GNL3L: variants seen among roughly 807,000 people sequenced by gnomAD.
GNL3L encodes guanine nucleotide-binding protein-like 3-like protein.
GNL3L carries 4 observed loss-of-function variants against 42.9 expected under a neutral mutation model. The observed-to-expected ratio is 0.09, with a 90% CI of 0.05 to 0.21. The LOEUF (loss-of-function observed/expected upper bound fraction) is 0.21. Among genes scored for constraint, GNL3L ranks in the 10% least tolerant of loss-of-function variants. The probability of loss-of-function intolerance (pLI) is 1.00; values close to 1 mark genes in which losing one functional copy is unlikely to be tolerated. For synonymous variants in GNL3L, 159 were observed against 176.3 expected, an observed-to-expected ratio of 0.90 and a Z score of 0.78; for missense variants, 412 against 481.7, an observed-to-expected ratio of 0.86 and a Z score of 1.36.
chrX:54,645,577 C>T, the GNL3L span, among the ~76,000 whole-genome samples: 1 of 111,943 alleles, frequency 8.9e-6, no homozygotes, highest in Non-Finnish European at 1.9e-5. Flanking sequence ...TGCTGAATTC[C>T]ATTTGTTAAT....
chrX:54,561,375 A>G lies in GNL3L; in HGVS notation c.*773A>G, dbSNP rs1305418559. Among the ~76,000 whole-genome samples, 2 of 112,420 alleles carry G rather than the reference A, an allele frequency of 1.8e-5. No homozygotes were observed. Among genetic ancestry groups the G allele is most frequent in the Non-Finnish European group, 3.8e-5 (2 of 53,297 alleles). On this transcript the variant is annotated 3_prime_UTR_variant, in exon 16 of 16. Coordinates refer to ENST00000360845, the MANE Select transcript of GNL3L (RefSeq NM_001184819.2). The stretch of plus-strand genomic sequence containing the variant: ...GCCTGCAGTGGGCTTTGGGCCATGC[A>G]TCTTCCAAGTCCATAGGTCTTCACC...
At chrX:54,571,526 G>T (rs1925543670), downstream of GNL3L, among the ~76,000 whole-genome samples, 1 of 97,490 alleles carries the variant, frequency 1.0e-5, no homozygotes, top group Admixed American at 1.1e-4. Context: ...TTTGAGACAG[G>T]GTCTTGCTAT....
In GNL3L at chrX:54,562,060, CTTTA is replaced by C. The variant is rs925807932; in HGVS notation, c.*1470_*1473del. On this transcript the variant is annotated 3_prime_UTR_variant, in exon 16 of 16. Coordinates refer to ENST00000360845, the MANE Select transcript of GNL3L (RefSeq NM_001184819.2). ...ACCATCCTTCGACCCACAGCTGCACCTTTATTTATTTATTTTGCTCTGTTGCCCA... is the reference window on the plus strand; with the variant it reads ...ACCATCCTTCGACCCACAGCTGCACCTTTATTTATTTTGCTCTGTTGCCCA... 8.9e-6 allele frequency among the ~76,000 whole-genome samples: 1 copy of C among 111,956 alleles called. No homozygotes were observed. The highest frequency in any genetic ancestry group is 3.2e-5 in the African/African-American group (1 of 30,820).
In GNL3L at chrX:54,544,464, G is replaced by A. The variant is rs1924715200; in HGVS notation, c.630+138G>A. 7.6e-6 allele frequency: 3 copies of A among 396,387 alleles called. No homozygotes were observed. In the African/African-American group the frequency reaches 8.1e-5, roughly 11 times the overall value. 32.7% of individuals were successfully genotyped at this position (396,387 alleles called of 1,213,427 possible). Reference sequence around the variant, plus strand: ...TCAACTTTGAGCTTTTTGCTCCACCGAGTGACTTTTTTTTTTTTTTTTGAG... The same window carrying A: ...TCAACTTTGAGCTTTTTGCTCCACCAAGTGACTTTTTTTTTTTTTTTTGAG... On this transcript the variant is annotated intron_variant, in intron 8 of 15. Coordinates refer to ENST00000360845, the MANE Select transcript of GNL3L (RefSeq NM_001184819.2).
chrX:54,557,272 AT>A (rs755619250), intron 14 of GNL3L, among the ~76,000 whole-genome samples: 1 of 106,690 alleles, frequency 9.4e-6, no homozygotes, highest in Non-Finnish European at 1.9e-5. Context: ...CAAAAAAAAA[AT>A]TTTTTTTTAA....
At chrX:54,536,395 A>G (rs997297049) in intron 2 of GNL3L, among the ~76,000 whole-genome samples, 2 of 110,566 alleles carry the variant, frequency 1.8e-5, no homozygotes, top group Non-Finnish European at 3.8e-5. Flanking sequence ...AAGTTTTAGT[A>G]GATTTCCGTA....
intron 16 of GNL3L, among the ~76,000 whole-genome samples, chrX:54,609,583 C>A (rs1048638647): frequency 8.9e-6 from 1 of 112,014 alleles, no homozygotes; most frequent in Non-Finnish European, 1.9e-5. Flanking sequence ...CCAATTATTC[C>A]AGCACGATTT....
At chrX:54,644,460 G>A in the GNL3L span, among the ~76,000 whole-genome samples, 300 of 111,844 alleles carry the variant, frequency 2.7e-3, 2 homozygotes, top group African/African-American at 9.2e-3. Context: ...TTTAGGACAG[G>A]GATCTAGCTT....
At chrX:54,643,039 A>G in the GNL3L span, among the ~76,000 whole-genome samples, 1 of 112,244 alleles carries the variant, frequency 8.9e-6, no homozygotes, top group Non-Finnish European at 1.9e-5. Flanking sequence ...ACAAGCATGT[A>G]TCTTTCTGCA....
At chrX:54,583,149 G>A (rs1925739253) in intron 16 of GNL3L, among the ~76,000 whole-genome samples, 1 of 111,138 alleles carries the variant, frequency 9.0e-6, no homozygotes. Context: ...TTCACAGAGC[G>A]AATGTTTTAA....
chrX:54,620,480 T>A (rs903014250), intron 16 of GNL3L, among the ~76,000 whole-genome samples: 3 of 112,224 alleles, frequency 2.7e-5, no homozygotes, highest in African/African-American at 9.7e-5. Context: ...TTCTTTTTTA[T>A]GGCCAAATAG....
chrX:54,607,017 T>TTTCCTTCTTTCC (rs1491564209), intron 16 of GNL3L, among the ~76,000 whole-genome samples: 1 of 52,850 alleles, frequency 1.9e-5, no homozygotes, highest in South Asian at 9.8e-4. Flanking sequence ...TCTTTCTTTC[T>TTTCCTTCTTTCC]TTCTTTCTTT....
downstream of GNL3L, among the ~76,000 whole-genome samples, chrX:54,624,283 T>G (rs1025899263): frequency 1.1e-5 from 1 of 89,966 alleles, no homozygotes; most frequent in African/African-American, 8.7e-5. Context: ...TAGAGATAGT[T>G]TTACATCTTT....
the GNL3L span, among the ~76,000 whole-genome samples, chrX:54,639,826 G>C: frequency 9.0e-6 from 1 of 111,329 alleles, no homozygotes; most frequent in African/African-American, 3.3e-5. Context: ...AGGCTTTCGG[G>C]GAGGGAGGAG....
intron 2 of GNL3L, among the ~76,000 whole-genome samples, chrX:54,536,304 T>TAATTTTTGTATTTTTAGTAGAGATGG (rs1924422210): frequency 9.1e-6 from 1 of 109,789 alleles, no homozygotes; most frequent in African/African-American, 3.3e-5. Flanking sequence ...CTTGAACTTC[T>TAATTTTTGTATTTTTAGTAGAGATGG]GACCTCAAGT....
downstream of GNL3L, among the ~76,000 whole-genome samples, chrX:54,625,073 A>G (rs1179287387): frequency 9.0e-6 from 1 of 110,861 alleles, no homozygotes; most frequent in Admixed American, 9.6e-5. Context: ...GGACCTCAAT[A>G]TATGCATTTT....
chrX:54,632,663 A>C, the GNL3L span, among the ~76,000 whole-genome samples: 3 of 110,728 alleles, frequency 2.7e-5, no homozygotes, highest in African/African-American at 9.8e-5. Context: ...TTTTCCTTCC[A>C]TATCCTGTAT....
rs1208335520 is a variant in GNL3L at position 54,543,358 on chromosome X, G to T, written c.526+16G>T. The T allele has an allele frequency of 8.3e-7, 1 of 1,208,019 alleles. No homozygotes were observed. Among genetic ancestry groups the T allele is most frequent in the Admixed American group, 2.2e-5 (1 of 45,906 alleles). ...AACAAGATTGGTGGGTGTTAGGCAG[G>T]ATTGGGTGTGACAGGGAAGGTGGGC... On this transcript the variant is annotated intron_variant, in intron 7 of 15. Coordinates refer to ENST00000360845, the MANE Select transcript of GNL3L (RefSeq NM_001184819.2).
At chrX:54,559,772 T>G (rs774170366) in intron 15 of GNL3L, among the ~76,000 whole-genome samples, 1 of 111,857 alleles carries the variant, frequency 8.9e-6, no homozygotes, top group Non-Finnish European at 1.9e-5. Context: ...ATACAGACTT[T>G]GGGTTGATTG....
Sources: allele counts gnomAD v4.1 joint callset (sites outside exome capture counted in the v4.1 genomes callset), GRCh38; gene constraint gnomAD v4.1.1; transcripts MANE v1.5; gene names NCBI Gene and HGNC (gene_info 2026-07-23, HGNC 2026-07-21).